Variants in SUGCT observed in about 807,000 individuals in gnomAD.
SUGCT encodes the protein succinyl-CoA:glutarate-CoA transferase.
In SUGCT, 41 loss-of-function variants were observed where a neutral mutation model predicts 55.0. The ratio of observed to expected loss-of-function variants is 0.74; its 90% CI spans 0.58 to 0.97. The LOEUF (loss-of-function observed/expected upper bound fraction) is 0.97. Among genes scored for constraint, SUGCT ranks in the 50% least tolerant of loss-of-function variants. SUGCT has a pLI of 0.00. For synonymous variants in SUGCT, 187 were observed against 200.4 expected, an observed-to-expected ratio of 0.93 and a Z score of 0.56; for missense variants, 568 against 547.8, an observed-to-expected ratio of 1.04 and a Z score of -0.37.
intron 13 of SUGCT, among the ~76,000 whole-genome samples, chr7:40,849,547 T>A (rs1297300374): frequency 6.6e-6 from 1 of 152,202 alleles, no homozygotes; most frequent in African/African-American, 2.4e-5. Context: ...TGTTTTTGGC[T>A]ACCTCTGTTT....
chr7:40,854,470 T>TTC (rs1563050892), intron 13 of SUGCT, among the ~76,000 whole-genome samples: 34 of 144,130 alleles, frequency 2.4e-4, no homozygotes, highest in African/African-American at 8.8e-4. Context: ...CTTTCTTTCT[T>TTC]TCTTTCTCTT....
intron 12 of SUGCT, among the ~76,000 whole-genome samples, chr7:40,748,035 T>C (rs1290427112): frequency 6.6e-6 from 1 of 152,088 alleles, no homozygotes; most frequent in African/African-American, 2.4e-5. Flanking sequence ...CACATTTCTC[T>C]TGTCAGGCAC....
chr7:40,216,922 C>A (rs1043703985), intron 6 of SUGCT, among the ~76,000 whole-genome samples: 1 of 151,352 alleles, frequency 6.6e-6, no homozygotes, highest in African/African-American at 2.4e-5. Flanking sequence ...GAATAAAAAT[C>A]ATTACAGGCA....
intron 12 of SUGCT, among the ~76,000 whole-genome samples, chr7:40,548,295 C>T (rs956572277): frequency 1.3e-5 from 2 of 149,418 alleles, no homozygotes; most frequent in African/African-American, 2.5e-5. Context: ...CTCAAATGCT[C>T]CTCCCCGCTA....
At chr7:40,253,355 C>G (rs1790570122) in intron 7 of SUGCT, among the ~76,000 whole-genome samples, 1 of 152,214 alleles carries the variant, frequency 6.6e-6, no homozygotes, top group Non-Finnish European at 1.5e-5. Flanking sequence ...CAGTTACTCT[C>G]CAGCTCCTTA....
At chr7:40,772,538 C>CTGG (rs1235579219) in intron 13 of SUGCT, among the ~76,000 whole-genome samples, 4 of 150,704 alleles carry the variant, frequency 2.7e-5, no homozygotes, top group African/African-American at 9.8e-5. Context: ...ATCTATCTAT[C>CTGG]TATCTATCTA....
chr7:40,532,744 A>G (rs2151598419), intron 12 of SUGCT, among the ~76,000 whole-genome samples: 1 of 152,240 alleles, frequency 6.6e-6, no homozygotes, highest in Non-Finnish European at 1.5e-5. Context: ...TCATAAAGTA[A>G]CATACTGATT....
chr7:40,647,546 G>C (rs1800581487), intron 12 of SUGCT, among the ~76,000 whole-genome samples: 1 of 152,128 alleles, frequency 6.6e-6, no homozygotes, highest in Admixed American at 6.5e-5. Flanking sequence ...AGGACAGTGA[G>C]ACACGTAGAA....
chr7:40,428,068 A>T (rs566256777), intron 9 of SUGCT, among the ~76,000 whole-genome samples: 68 of 152,128 alleles, frequency 4.5e-4, no homozygotes, highest in African/African-American at 1.6e-3. Flanking sequence ...TGCTTGTTTC[A>T]TATATTTTCA....
chr7:40,898,279 G>A, the SUGCT span, among the ~76,000 whole-genome samples: 4 of 152,240 alleles, frequency 2.6e-5, no homozygotes, highest in East Asian at 7.8e-4. Flanking sequence ...CCCACCAGAA[G>A]GAACAAACAA....
chr7:40,525,560 T>C (rs1793752182), intron 12 of SUGCT, among the ~76,000 whole-genome samples: 1 of 151,944 alleles, frequency 6.6e-6, no homozygotes, highest in Admixed American at 6.6e-5. Context: ...TGAAGGAAGT[T>C]GGAATGGAAA....
the SUGCT span, among the ~76,000 whole-genome samples, chr7:40,927,562 T>C: frequency 3.3e-5 from 5 of 152,328 alleles, no homozygotes; most frequent in Middle Eastern, 6.8e-3. Context: ...AAAACTTAGT[T>C]GGTCACCGAA....
At chr7:40,865,501 T>C (rs900837886), downstream of SUGCT, among the ~76,000 whole-genome samples, 2 of 152,156 alleles carry the variant, frequency 1.3e-5, no homozygotes, top group African/African-American at 4.8e-5. Context: ...GTATGTCACA[T>C]GCACCCAGTT....
chr7:40,741,031 G>A (rs998372137), intron 12 of SUGCT, among the ~76,000 whole-genome samples: 5 of 152,102 alleles, frequency 3.3e-5, no homozygotes, highest in African/African-American at 1.2e-4. Flanking sequence ...TGTAATCCCA[G>A]CACTTTGGGA....
intron 12 of SUGCT, among the ~76,000 whole-genome samples, chr7:40,542,546 G>C (rs191835419): frequency 1.3e-5 from 2 of 152,148 alleles, no homozygotes; most frequent in African/African-American, 2.4e-5. Context: ...AGCAAAAAAG[G>C]ATATTTGAGA....
intron 6 of SUGCT, among the ~76,000 whole-genome samples, chr7:40,215,731 G>A (rs1232069661): frequency 6.6e-6 from 1 of 151,828 alleles, no homozygotes; most frequent in East Asian, 1.9e-4. Context: ...GCGAGGTGGC[G>A]GGCGCCTGTA....
At chr7:41,005,263 GCT>G in the SUGCT span, among the ~76,000 whole-genome samples, 1 of 152,094 alleles carries the variant, frequency 6.6e-6, no homozygotes, top group Non-Finnish European at 1.5e-5. Flanking sequence ...CTGAAGGTAT[GCT>G]CTGTGTTTGA....
chr7:41,024,739 T>C, the SUGCT span, among the ~76,000 whole-genome samples: 1 of 142,730 alleles, frequency 7.0e-6, no homozygotes, highest in Non-Finnish European at 1.6e-5. Context: ...CAAATATTGA[T>C]TGTGGGAGTG....
intron 6 of SUGCT, among the ~76,000 whole-genome samples, chr7:40,229,492 C>G (rs1391922569): frequency 1.3e-5 from 2 of 148,256 alleles, no homozygotes; most frequent in African/African-American, 5.0e-5. Flanking sequence ...GAACTCCAGT[C>G]TGGGCAATAG....
Sources: gnomAD v4.1 joint callset for allele counts (sites outside exome capture counted in the v4.1 genomes callset) on GRCh38, gnomAD v4.1.1 for gene constraint, MANE v1.5 for transcripts, NCBI Gene and HGNC (gene_info 2026-07-23, HGNC 2026-07-21) for gene names.